CHN2: variants seen among roughly 807,000 people sequenced by gnomAD.
The protein encoded by CHN2 is beta-chimaerin.
CHN2 carries 35 observed loss-of-function variants against 56.3 expected under a neutral mutation model. The observed-to-expected ratio is 0.62, with a 90% CI of 0.47 to 0.82. The LOEUF is 0.82. CHN2 is among the 40% of genes least tolerant of loss of function. The probability of loss-of-function intolerance (pLI) is 0.00; values close to 1 mark genes in which losing one functional copy is unlikely to be tolerated. For synonymous variants in CHN2, 210 were observed against 212.8 expected (o/e 0.99, Z 0.12); for missense variants, 491 against 580.5 (o/e 0.85, Z 1.58).
rs548805963 is a variant in CHN2, at chr7:29,369,698, G to A, written c.144+1711G>A. The stretch of plus-strand genomic sequence containing the variant: ...TGGAGTGTTAGCAGTGGAGGTAGGC[G>A]ATTCGGATTATCCTCTTACAAACTC... On this transcript the variant is annotated intron_variant, in intron 3 of 12. Coordinates refer to ENST00000222792, the MANE Select transcript of CHN2 (RefSeq NM_004067.4). Among the ~76,000 whole-genome samples, 46 of 152,236 alleles carry A rather than the reference G, an allele frequency of 3.0e-4. 1 individual carries two copies. Among genetic ancestry groups the A allele is most frequent in the Admixed American group, 2.8e-3 (43 of 15,286 alleles).
At chr7:29,255,059 G>A (rs1788959931) in intron 1 of CHN2, among the ~76,000 whole-genome samples, 1 of 152,152 alleles carries the variant, frequency 6.6e-6, no homozygotes, top group South Asian at 2.1e-4. Context: ...AAGAGTTCAG[G>A]TCCATTTACA....
At chr7:29,339,755 A>G (rs1796900629) in intron 1 of CHN2, among the ~76,000 whole-genome samples, 1 of 152,110 alleles carries the variant, frequency 6.6e-6, no homozygotes, top group African/African-American at 2.4e-5. Context: ...TGGGAGGCTA[A>G]GGCAGGAGAA....
At chr7:29,277,507 A>G (rs1177009817) in intron 1 of CHN2, among the ~76,000 whole-genome samples, 1 of 152,206 alleles carries the variant, frequency 6.6e-6, no homozygotes, top group African/African-American at 2.4e-5. Context: ...GTTCAGTATC[A>G]AAGTCTCTAA....
chr7:29,267,078 G>A (rs1435994681), intron 1 of CHN2, among the ~76,000 whole-genome samples: 1 of 152,010 alleles, frequency 6.6e-6, no homozygotes, highest in Non-Finnish European at 1.5e-5. Flanking sequence ...CCCCTCTGCT[G>A]TAGTAGCTCT....
chr7:29,183,226 A>C (rs993969813), intron 2 of CHN2, among the ~76,000 whole-genome samples: 2 of 152,024 alleles, frequency 1.3e-5, no homozygotes, highest in Non-Finnish European at 2.9e-5. Context: ...CTGGGGTTAC[A>C]GGCATATGCC....
At chr7:29,370,956 T>C (rs1398784081) in intron 3 of CHN2, among the ~76,000 whole-genome samples, 1 of 152,206 alleles carries the variant, frequency 6.6e-6, no homozygotes, top group Non-Finnish European at 1.5e-5. Context: ...CACCACTTTC[T>C]AGCTACCTAA....
chr7:29,190,584 GC>G (rs1367545510), upstream of CHN2, among the ~76,000 whole-genome samples: 1 of 152,192 alleles, frequency 6.6e-6, no homozygotes, highest in Non-Finnish European at 1.5e-5. Flanking sequence ...AATTGTAACA[GC>G]CGGTGAAGGA....
intron 2 of CHN2, among the ~76,000 whole-genome samples, chr7:29,358,623 C>T (rs964971393): frequency 2.0e-5 from 3 of 152,104 alleles, no homozygotes; most frequent in African/African-American, 4.8e-5. Context: ...CCACTGCGCC[C>T]GGCTAATTTT....
chr7:29,348,492 C>T lies in CHN2; in HGVS notation c.50-6133C>T, dbSNP rs575251421. Among the ~76,000 whole-genome samples the T allele has an allele frequency of 6.8e-4, 103 of 152,258 alleles. No homozygotes were observed. The South Asian group carries it at 8.5e-3, about 13-fold the overall frequency. The stretch of plus-strand genomic sequence containing the variant: ...TTCTAAGCATCTGTATCTTCCCCCT[C>T]CTTCCCCATCCTTTCATGAGAGGAG... On this transcript the variant is annotated intron_variant, in intron 1 of 12. Transcript: ENST00000222792.
intron 6 of CHN2, among the ~76,000 whole-genome samples, chr7:29,406,652 C>T (rs906347253): frequency 1.3e-5 from 2 of 152,304 alleles, no homozygotes; most frequent in Non-Finnish European, 2.9e-5. Flanking sequence ...GTTCTCAAAG[C>T]ATGGCCCTCG....
At chr7:29,429,309 A>AAG (rs1403753643) in intron 6 of CHN2, among the ~76,000 whole-genome samples, 1 of 152,244 alleles carries the variant, frequency 6.6e-6, no homozygotes, top group Non-Finnish European at 1.5e-5. Flanking sequence ...TAAGTAAAAG[A>AAG]AGAGATATCA....
chr7:29,278,528 C>G (rs1390510484), intron 1 of CHN2, among the ~76,000 whole-genome samples: 3 of 151,862 alleles, frequency 2.0e-5, no homozygotes, highest in Non-Finnish European at 4.4e-5. Flanking sequence ...AGTCAGGCAG[C>G]TCATTAGTAG....
intron 6 of CHN2, among the ~76,000 whole-genome samples, chr7:29,452,032 T>C (rs1585438493): frequency 2.6e-5 from 4 of 152,362 alleles, no homozygotes; most frequent in Admixed American, 2.6e-4. Context: ...GTTGCACGTG[T>C]GTGTGGCCTT....
chr7:29,146,950 C>G, exon 2 of CHN2: 2 of 1,551,124 alleles, frequency 1.3e-6, no homozygotes, highest in South Asian at 1.2e-5. Flanking sequence ...TACATTCCAG[C>G]TGCACTAGCA....
chr7:29,381,766 A>G (rs572703621), intron 3 of CHN2, among the ~76,000 whole-genome samples: 47 of 139,002 alleles, frequency 3.4e-4, no homozygotes, highest in African/African-American at 1.1e-3. Context: ...TATCACTTAG[A>G]ATTCTATTGT....
Position 29,194,790 on chromosome 7 carries a change from G to C in CHN2, c.-152G>C. The C allele has an allele frequency of 1.8e-6, 1 of 554,596 alleles. No individual in the cohort carries two copies. The highest frequency in any genetic ancestry group is 2.8e-6 in the Non-Finnish European group (1 of 353,650). The allele number at this position is 554,596 out of a possible 1,614,324, so 34.4% of individuals were successfully genotyped here. On this transcript the variant is annotated 5_prime_UTR_variant, in exon 1 of 13. Coordinates refer to ENST00000222792, the MANE Select transcript of CHN2 (RefSeq NM_004067.4). The stretch of plus-strand genomic sequence containing the variant: ...CGCGTCATCTGGTGGAGCAGGAAGT[G>C]CAGGCAGAGTCCGGAGGCTGGTGCT...
chr7:29,364,951 C>T (rs1314043309), intron 2 of CHN2, among the ~76,000 whole-genome samples: 1 of 151,962 alleles, frequency 6.6e-6, no homozygotes, highest in African/African-American at 2.4e-5. Flanking sequence ...TATTTTACTC[C>T]CTTTCTTAAA....
At chr7:29,155,481 T>C (rs960825) in intron 2 of CHN2, among the ~76,000 whole-genome samples, 17,728 of 152,168 alleles carry the variant, frequency 0.12, 1,125 homozygotes, top group Non-Finnish European at 0.14. Context: ...TATTCTCCAT[T>C]TTCTAATGGA....
chr7:29,164,793 A>AC (rs1215097676), intron 2 of CHN2, among the ~76,000 whole-genome samples: 1 of 151,658 alleles, frequency 6.6e-6, no homozygotes, highest in Non-Finnish European at 1.5e-5. Flanking sequence ...AAAAAAAAAA[A>AC]AAAAAAAACA....
Sources: gnomAD v4.1 joint callset for allele counts (sites outside exome capture counted in the v4.1 genomes callset) on GRCh38, gnomAD v4.1.1 for gene constraint, MANE v1.5 for transcripts, NCBI Gene and HGNC (gene_info 2026-07-23, HGNC 2026-07-21) for gene names.